RHCE: variants seen among roughly 807,000 people sequenced by gnomAD.
RHCE encodes Rh blood group CcEe antigens.
In RHCE, 22 loss-of-function variants were observed where a neutral mutation model predicts 43.8. The ratio of observed to expected loss-of-function variants is 0.50; its 90% CI spans 0.36 to 0.72. The LOEUF (loss-of-function observed/expected upper bound fraction) is 0.72, where lower values mean the gene tolerates loss of function less well. Ranked by LOEUF, RHCE falls within the 30% of genes least tolerant of loss-of-function variation. The pLI, the probability that RHCE is intolerant of heterozygous loss-of-function variation, is 0.00. For synonymous variants in RHCE, 156 were observed against 210.7 expected (o/e 0.74, Z 2.25); for missense variants, 385 against 525.4 (o/e 0.73, Z 2.61).
At chr1:25,410,985 G>C (rs777477952) in intron 1 of RHCE, among the ~76,000 whole-genome samples, 2 of 151,922 alleles carry the variant, frequency 1.3e-5, no homozygotes, top group African/African-American at 2.4e-5. Flanking sequence ...CCAGCTACTC[G>C]GGAGGCTGAG....
chr1:25,389,037 A>G lies in RHCE; in HGVS notation c.878T>C (p.Leu293Pro). 6.2e-7 allele frequency: 1 copy of G among 1,614,238 alleles called. No individual in the cohort carries two copies. The highest frequency in any genetic ancestry group is 8.5e-7 in the Non-Finnish European group (1 of 1,180,040). The change falls in exon 6 of 10, where the codon CTT becomes CCT. Residue 293 changes from leucine (L) to proline (P), a missense_variant. Physicochemically the swap from Leu to Pro is moderately conservative, Grantham distance 98. Transcript: ENST00000294413. ...AGCCACAAGACCCAGCACCATGGCAAGCCACGGAGAAGGGATCAGGTGACA... is the reference window on the plus strand; with the variant it reads ...AGCCACAAGACCCAGCACCATGGCAGGCCACGGAGAAGGGATCAGGTGACA... The part of the protein sequence containing the change: ...TSCHLIPSPW[L>P]AMVLGLVAGL...
chr1:25,412,729 A>T (rs1186999326), intron 1 of RHCE, among the ~76,000 whole-genome samples: 2 of 150,202 alleles, frequency 1.3e-5, no homozygotes, highest in Non-Finnish European at 1.5e-5. Context: ...AAAAAAAAAA[A>T]AAAAAAAAAA....
chr1:25,391,183 AT>A (rs1419049115), intron 4 of RHCE, among the ~76,000 whole-genome samples: 8 of 151,488 alleles, frequency 5.3e-5, no homozygotes, highest in Admixed American at 3.3e-4. Flanking sequence ...GCTTATTTTA[AT>A]TTTTTTTTCT....
intron 7 of RHCE, among the ~76,000 whole-genome samples, chr1:25,382,593 T>C (rs2124380938): frequency 6.6e-6 from 1 of 151,934 alleles, no homozygotes; most frequent in South Asian, 2.1e-4. Context: ...ACAGTCTCCC[T>C]GCACAGGGTC....
At chr1:25,415,481 C>T (rs1426128315) in intron 1 of RHCE, among the ~76,000 whole-genome samples, 1 of 152,016 alleles carries the variant, frequency 6.6e-6, no homozygotes, top group Non-Finnish European at 1.5e-5. Flanking sequence ...GGAGAAACCC[C>T]GTCTCTACTA....
rs1645422841 is a variant in RHCE, at chr1:25,362,334, A to G, written c.*193T>C. On this transcript the variant is annotated 3_prime_UTR_variant, in exon 10 of 10. Coordinates refer to ENST00000294413, the MANE Select transcript of RHCE (RefSeq NM_020485.8). Reference sequence around the variant, plus strand: ...CCTAATGAAACTAAACATTTATTTTAAACTTATTAAATTGACTCTTAAACT... The same window carrying G: ...CCTAATGAAACTAAACATTTATTTTGAACTTATTAAATTGACTCTTAAACT... 1.6e-6 allele frequency: 2 copies of G among 1,265,386 alleles called. No individual in the cohort carries two copies. The highest frequency in any genetic ancestry group is 5.1e-5 in the East Asian group (2 of 39,340). 78.4% of individuals were successfully genotyped at this position (1,265,386 alleles called of 1,614,324 possible).
At chr1:25,399,004 T>C (rs973072847) in intron 3 of RHCE, 10 of 1,436,996 alleles carry the variant, frequency 7.0e-6, no homozygotes, top group Non-Finnish European at 9.8e-6. Context: ...GACTATTCCC[T>C]GGCTGCAGCC....
chr1:25,379,206 T>C (rs1247744149), intron 7 of RHCE, among the ~76,000 whole-genome samples: 5 of 151,814 alleles, frequency 3.3e-5, no homozygotes, highest in Non-Finnish European at 5.9e-5. Flanking sequence ...GGCAAGAGCA[T>C]GTCAGCTCAG....
rs1237324446 is a variant in RHCE at position 25,416,820 on chromosome 1, G to GGC, written c.148+3818_148+3819insGC. Among the ~76,000 whole-genome samples, 246 of 27,670 alleles carry GGC rather than the reference G, an allele frequency of 8.9e-3. 10 individuals carry two copies. Among genetic ancestry groups the GGC allele is most frequent in the African/African-American group, 0.087 (243 of 2,792 alleles). The allele number at this position is 27,670 out of a possible 152,430, so 18.2% of individuals were successfully genotyped here. A position where few individuals can be genotyped will look rare whatever the true frequency, so the allele number is the denominator to read the frequency against. On this transcript the variant is annotated intron_variant, in intron 1 of 9. Coordinates refer to ENST00000294413, the MANE Select transcript of RHCE (RefSeq NM_020485.8). ...TTTTTTTTTTTTTTTTAGAGATGGCGGGGGGGGGTCTCCCTATGTTTCCTA... is the reference window on the plus strand; with the variant it reads ...TTTTTTTTTTTTTTTTAGAGATGGCGGCGGGGGGGGTCTCCCTATGTTTCCTA...
chr1:25,397,666 C>T (rs1352282908), intron 3 of RHCE, among the ~76,000 whole-genome samples: 1 of 152,014 alleles, frequency 6.6e-6, no homozygotes, highest in African/African-American at 2.4e-5. Context: ...TCCTGCCCTT[C>T]AGCCTTTCTC....
chr1:25,384,452 A>G (rs1312340812), intron 7 of RHCE, among the ~76,000 whole-genome samples: 1 of 151,594 alleles, frequency 6.6e-6, no homozygotes, highest in African/African-American at 2.4e-5. Context: ...GGACCTTGCT[A>G]GGTCAAGTCC....
In RHCE at chr1:25,399,298, T is replaced by C. The variant is rs648574; in HGVS notation, c.486+3298A>G. On this transcript the variant is annotated intron_variant, in intron 3 of 9. Coordinates refer to ENST00000294413, the MANE Select transcript of RHCE (RefSeq NM_020485.8). ...CAATAAGGAAGAAATAACAGATAAG[T>C]CCATTGGTGGACAGCCTTCTTCTCT... The C allele has an allele frequency of 2.7e-4, 226 of 838,314 alleles. 2 individuals are homozygous for C. In the African/African-American group the frequency reaches 2.8e-3, roughly 10 times the overall value. The allele number at this position is 838,314 out of a possible 1,614,324, so 51.9% of individuals were successfully genotyped here. A position where few individuals can be genotyped will look rare whatever the true frequency, so the allele number is the denominator to read the frequency against.
chr1:25,402,340 C>A (rs1477829841), intron 3 of RHCE, among the ~76,000 whole-genome samples: 3 of 152,198 alleles, frequency 2.0e-5, no homozygotes, highest in Admixed American at 2.0e-4. Flanking sequence ...CACACCTCAG[C>A]CTCCTGAGTA....
chr1:25,388,021 G>A (rs1459171654), intron 6 of RHCE, among the ~76,000 whole-genome samples: 1 of 151,950 alleles, frequency 6.6e-6, no homozygotes, highest in African/African-American at 2.4e-5. Context: ...GTTTCACCAT[G>A]TTGGCCAGGC....
At chr1:25,411,344 C>A in intron 1 of RHCE, 1 of 1,550,504 alleles carries the variant, frequency 6.4e-7, no homozygotes, top group Non-Finnish European at 8.7e-7. Flanking sequence ...ACTCACCTGC[C>A]ACTGGTCTCC....
intron 7 of RHCE, among the ~76,000 whole-genome samples, chr1:25,376,345 C>A (rs1260423159): frequency 6.6e-6 from 1 of 152,236 alleles, no homozygotes; most frequent in African/African-American, 2.4e-5. Flanking sequence ...AGCCCGTTCA[C>A]TGCAGCCCCA....
chr1:25,414,826 A>G (rs1456808736), intron 1 of RHCE, among the ~76,000 whole-genome samples: 6 of 152,134 alleles, frequency 3.9e-5, no homozygotes, highest in Non-Finnish European at 8.8e-5. Context: ...CAGATGCATG[A>G]ATGACCCTGG....
chr1:25,421,422 G>T (rs1252389892), upstream of RHCE, among the ~76,000 whole-genome samples: 2 of 152,184 alleles, frequency 1.3e-5, no homozygotes, highest in Non-Finnish European at 2.9e-5. Context: ...ATTTTAAGGG[G>T]GGGTGGCAGA....
chr1:25,424,920 G>A (rs906893011), upstream of RHCE, among the ~76,000 whole-genome samples: 6 of 151,900 alleles, frequency 3.9e-5, no homozygotes, highest in Middle Eastern at 3.4e-3. Flanking sequence ...AGGTTCAAGC[G>A]ATTCTCCTTC....
Sources: gnomAD v4.1 joint callset for allele counts (sites outside exome capture counted in the v4.1 genomes callset) on GRCh38, gnomAD v4.1.1 for gene constraint, MANE v1.5 for transcripts, NCBI Gene and HGNC (gene_info 2026-07-23, HGNC 2026-07-21) for gene names.